TNFAIP8: variants seen among roughly 807,000 people sequenced by gnomAD.
TNFAIP8 encodes TNF alpha induced protein 8, also known as tumor necrosis factor alpha-induced protein 8.
A neutral mutation model predicts 13.3 loss-of-function variants in TNFAIP8; 7 were observed. The observed-to-expected ratio is 0.52, with a 90% confidence interval of 0.30 to 0.99. TNFAIP8 has a LOEUF of 0.99. Among genes scored for constraint, TNFAIP8 ranks in the 50% least tolerant of loss-of-function variants. The pLI, the probability that TNFAIP8 is intolerant of heterozygous loss-of-function variation, is 0.07. For missense variants in TNFAIP8, 258 were observed against 236.9 expected, an observed-to-expected ratio of 1.09 and a Z score of -0.58; for synonymous variants, 94 against 87.6, an observed-to-expected ratio of 1.07 and a Z score of -0.41.
rs376354955 is a variant in TNFAIP8 at position 119,294,136 on chromosome 5, G to A, written c.1+25229G>A. 8.6e-5 allele frequency among the ~76,000 whole-genome samples: 13 copies of A among 151,726 alleles called. No individual in the cohort carries two copies. In the East Asian group the frequency reaches 1.5e-3, roughly 18 times the overall value. The stretch of plus-strand genomic sequence containing the variant: ...ATGTATACATGTGCCATGCTGGTGC[G>A]CTGCACCCATTAACTCGTCATTTAG... On this transcript the variant is annotated intron_variant, in intron 1 of 1. Transcript: ENST00000274456.
exon 1 of TNFAIP8, chr5:119,268,833 G>T: frequency 1.4e-6 from 1 of 702,724 alleles, no homozygotes; most frequent in South Asian, 1.5e-5. Flanking sequence ...GCCACCGAGA[G>T]AGCAGAGAAC....
intron 1 of TNFAIP8, among the ~76,000 whole-genome samples, chr5:119,390,770 T>C (rs1027025450): frequency 6.6e-6 from 1 of 152,148 alleles, no homozygotes; most frequent in Admixed American, 6.6e-5. Context: ...ACGAACTACT[T>C]TGGTCCAAAT....
At chr5:119,361,414 TGTTA>T (rs775848435) in intron 1 of TNFAIP8, among the ~76,000 whole-genome samples, 2 of 152,180 alleles carry the variant, frequency 1.3e-5, no homozygotes, top group African/African-American at 2.4e-5. Flanking sequence ...GAGTAAAGCC[TGTTA>T]GTTAAGCTGG....
chr5:119,356,133 G>C lies in TNFAIP8; in HGVS notation c.31+12G>C. On this transcript the variant is annotated intron_variant, in intron 1 of 1. Transcript: ENST00000504771. ...AGAATCCAAGGAAGGTAGGATTCTG[G>C]TTTCTCCTGGGGGCCGGCCAAGTTC... is the stretch of plus-strand genomic sequence containing the variant. 2 of 1,578,764 alleles carry C rather than the reference G, an allele frequency of 1.3e-6. No individual in the cohort carries two copies. Among genetic ancestry groups the C allele is most frequent in the Non-Finnish European group, 1.7e-6 (2 of 1,159,740 alleles).
intron 1 of TNFAIP8, among the ~76,000 whole-genome samples, chr5:119,321,660 A>G (rs1025324688): frequency 2.0e-5 from 3 of 152,098 alleles, no homozygotes; most frequent in Non-Finnish European, 4.4e-5. Context: ...TGCCCTAGCA[A>G]ATACGCACAT....
chr5:119,394,978 A>G lies in TNFAIP8; in HGVS notation c.*1597A>G, dbSNP rs1046166991. 1 of 152,140 alleles carries G rather than the reference A, an allele frequency of 6.6e-6. No individual in the cohort carries two copies. Among genetic ancestry groups the G allele is most frequent in the African/African-American group, 2.4e-5 (1 of 41,410 alleles). 9.4% of individuals were successfully genotyped at this position (152,140 alleles called of 1,614,324 possible). A position where few individuals can be genotyped will look rare whatever the true frequency, so the allele number is the denominator to read the frequency against. ...GACATTAAAATAATAGTTTACCAGGAAAGGTTCCACAACTAAAAATTCCAG... is the reference window on the plus strand; with the variant it reads ...GACATTAAAATAATAGTTTACCAGGGAAGGTTCCACAACTAAAAATTCCAG... On this transcript the variant is annotated 3_prime_UTR_variant, in exon 2 of 2. Transcript: ENST00000504771.
chr5:119,356,655 G>A (rs1363178461), intron 1 of TNFAIP8, among the ~76,000 whole-genome samples: 1 of 151,822 alleles, frequency 6.6e-6, no homozygotes, highest in Non-Finnish European at 1.5e-5. Context: ...TTTCGTTGGG[G>A]GTTTGAGGGG....
chr5:119,371,873 C>G (rs754870533), intron 1 of TNFAIP8, among the ~76,000 whole-genome samples: 8 of 151,574 alleles, frequency 5.3e-5, no homozygotes, highest in Non-Finnish European at 5.9e-5. Flanking sequence ...CGTGGTGGCT[C>G]ACACCTGTAA....
chr5:119,388,543 C>T (rs1383138432), intron 1 of TNFAIP8, among the ~76,000 whole-genome samples: 1 of 152,156 alleles, frequency 6.6e-6, no homozygotes, highest in African/African-American at 2.4e-5. Flanking sequence ...TAGGGAGAGG[C>T]AGACAATAAA....
At chr5:119,275,426 C>A (rs1039445804) in intron 1 of TNFAIP8, among the ~76,000 whole-genome samples, 2 of 152,090 alleles carry the variant, frequency 1.3e-5, no homozygotes, top group African/African-American at 4.8e-5. Context: ...CTGGGATGGG[C>A]ATCCTTATTT....
chr5:119,345,540 A>G (rs1181278249), intron 1 of TNFAIP8, among the ~76,000 whole-genome samples: 1 of 152,252 alleles, frequency 6.6e-6, no homozygotes, highest in Admixed American at 6.5e-5. Flanking sequence ...GAAGAAAGGA[A>G]GGAAAGTCTG....
chr5:119,335,440 T>C (rs1750522652), intron 1 of TNFAIP8, among the ~76,000 whole-genome samples: 1 of 152,094 alleles, frequency 6.6e-6, no homozygotes, highest in Admixed American at 6.6e-5. Flanking sequence ...AAGCAGTGCT[T>C]GGGAGGTTCT....
intron 1 of TNFAIP8, among the ~76,000 whole-genome samples, chr5:119,269,169 C>T (rs1343289725): frequency 6.6e-6 from 1 of 152,200 alleles, no homozygotes; most frequent in Non-Finnish European, 1.5e-5. Flanking sequence ...CTTTTAGGAA[C>T]CCTTACCTAT....
At chr5:119,286,403 C>T (rs955389552) in intron 1 of TNFAIP8, among the ~76,000 whole-genome samples, 1 of 152,092 alleles carries the variant, frequency 6.6e-6, no homozygotes, top group Non-Finnish European at 1.5e-5. Flanking sequence ...GGGTGGATCA[C>T]GAGGTCAGGA....
intron 1 of TNFAIP8, among the ~76,000 whole-genome samples, chr5:119,338,579 T>C (rs908267659): frequency 1.3e-5 from 2 of 152,226 alleles, no homozygotes; most frequent in Non-Finnish European, 2.9e-5. Flanking sequence ...GGCAAAAGCA[T>C]TGATCAGTTG....
At chr5:119,298,539 A>AT (rs1749253589) in intron 1 of TNFAIP8, among the ~76,000 whole-genome samples, 1 of 150,670 alleles carries the variant, frequency 6.6e-6, no homozygotes, top group Non-Finnish European at 1.5e-5. Flanking sequence ...TGCCCTTAAC[A>AT]TTTTTTCCTT....
intron 1 of TNFAIP8, among the ~76,000 whole-genome samples, chr5:119,327,545 G>C: frequency 6.6e-6 from 1 of 152,130 alleles, no homozygotes; most frequent in African/African-American, 2.4e-5. Context: ...TGCAACCTCT[G>C]CCTCCTGGGC....
At position 119,268,902 on chromosome 5, in the gene TNFAIP8, C is replaced by T. The variant is rs924000465; in HGVS notation, c.-5C>T. On this transcript the variant is annotated 5_prime_UTR_variant, in exon 1 of 2. Transcript: ENST00000274456. ...GCGTCCCGGCGCCGTCGCGCCACTC[C>T]TCCGAGTAAGTGGCTCCTGGGCGCG... 3.0e-5 allele frequency: 21 copies of T among 701,686 alleles called. No individual in the cohort carries two copies. In the African/African-American group the frequency reaches 3.6e-4, roughly 12 times the overall value. The allele number at this position is 701,686 out of a possible 1,614,324, so 43.5% of individuals were successfully genotyped here.
intron 1 of TNFAIP8, among the ~76,000 whole-genome samples, chr5:119,388,630 T>TTTTTC (rs113406514): frequency 0.2 from 30,555 of 150,606 alleles, 3,347 homozygotes; most frequent in Non-Finnish European, 0.24. Flanking sequence ...AGCATCTTTT[T>TTTTTC]TTTTCTTTTC....
Sources: gnomAD v4.1 joint callset for allele counts (sites outside exome capture counted in the v4.1 genomes callset) on GRCh38, gnomAD v4.1.1 for gene constraint, MANE v1.5 for transcripts, NCBI Gene and HGNC (gene_info 2026-07-23, HGNC 2026-07-21) for gene names.